The following KLHL1 variants were observed in gnomAD, a reference collection of about 807,000 sequenced individuals.
KLHL1 encodes kelch-like protein 1.
Under a neutral mutation model 77.7 loss-of-function variants are expected in KLHL1, and 47 were observed. The ratio of observed to expected loss-of-function variants is 0.60; its 90% CI spans 0.48 to 0.77. The LOEUF (loss-of-function observed/expected upper bound fraction) is 0.77. Ranked by LOEUF, KLHL1 falls within the 30% of genes least tolerant of loss-of-function variation. The probability of loss-of-function intolerance (pLI) is 0.00; values close to 1 mark genes in which losing one functional copy is unlikely to be tolerated. For synonymous variants in KLHL1, 360 were observed against 325.2 expected, an observed-to-expected ratio of 1.11 and a Z score of -1.15; for missense variants, 925 against 910.8, an observed-to-expected ratio of 1.02 and a Z score of -0.20.
At chr13:70,016,624 C>T (rs1403572394) in intron 1 of KLHL1, among the ~76,000 whole-genome samples, 9 of 152,272 alleles carry the variant, frequency 5.9e-5, no homozygotes, top group Admixed American at 2.6e-4. Context: ...CGATGAGGAT[C>T]GAAGGGAGGC....
intron 1 of KLHL1, among the ~76,000 whole-genome samples, chr13:70,026,749 GGA>G (rs149315768): frequency 2.7e-5 from 4 of 148,624 alleles, no homozygotes; most frequent in South Asian, 2.1e-4. Flanking sequence ...TGTGTAAGAG[GGA>G]GAGAGAGAGA....
intron 4 of KLHL1, among the ~76,000 whole-genome samples, chr13:69,889,757 A>T (rs184368272): frequency 1.3e-5 from 2 of 152,012 alleles, no homozygotes; most frequent in Non-Finnish European, 2.9e-5. Context: ...GTAAATGAGG[A>T]TGAAAATAGC....
At chr13:69,834,829 A>G (rs559022538) in intron 6 of KLHL1, among the ~76,000 whole-genome samples, 2 of 152,206 alleles carry the variant, frequency 1.3e-5, no homozygotes, top group Non-Finnish European at 2.9e-5. Context: ...GTTCTAAGGC[A>G]TGTATCAATT....
chr13:70,034,945 C>T (rs1198740220), intron 1 of KLHL1, among the ~76,000 whole-genome samples: 1 of 151,926 alleles, frequency 6.6e-6, no homozygotes, highest in African/African-American at 2.4e-5. Flanking sequence ...AAAGAGTGTC[C>T]TTCACAAAAT....
intron 1 of KLHL1, among the ~76,000 whole-genome samples, chr13:70,046,590 C>T (rs1234583508): frequency 1.3e-5 from 2 of 152,288 alleles, no homozygotes; most frequent in South Asian, 2.1e-4. Flanking sequence ...CAGGCTCAAG[C>T]GATTCGCGTG....
chr13:69,794,141 A>G (rs572817834), intron 7 of KLHL1, among the ~76,000 whole-genome samples: 2 of 152,306 alleles, frequency 1.3e-5, no homozygotes, highest in Non-Finnish European at 2.9e-5. Context: ...ACAGATAAGA[A>G]AGAAAATCTT....
intron 4 of KLHL1, among the ~76,000 whole-genome samples, chr13:69,939,794 G>C (rs1489572848): frequency 6.6e-6 from 1 of 151,830 alleles, no homozygotes; most frequent in Non-Finnish European, 1.5e-5. Context: ...TGTCTTTTAT[G>C]ATAAACCAAT....
chr13:69,920,327 A>T (rs1284790016), intron 4 of KLHL1, among the ~76,000 whole-genome samples: 1 of 152,112 alleles, frequency 6.6e-6, no homozygotes, highest in African/African-American at 2.4e-5. Flanking sequence ...TTGGGAAGAA[A>T]ATAAAAATGT....
At chr13:69,820,524 A>G (rs892456901) in intron 6 of KLHL1, among the ~76,000 whole-genome samples, 2 of 152,202 alleles carry the variant, frequency 1.3e-5, no homozygotes, top group African/African-American at 2.4e-5. Context: ...AGGATAATTG[A>G]AAAAGGGAAT....
intron 1 of KLHL1, among the ~76,000 whole-genome samples, chr13:70,010,193 A>G (rs757384117): frequency 3.9e-5 from 6 of 152,146 alleles, no homozygotes; most frequent in Non-Finnish European, 7.3e-5. Flanking sequence ...AGAATTTGAG[A>G]TTTTATTCCA....
chr13:69,732,071 G>A (rs1873571649), intron 8 of KLHL1, among the ~76,000 whole-genome samples: 2 of 152,082 alleles, frequency 1.3e-5, no homozygotes, highest in African/African-American at 4.8e-5. Context: ...AAGGAGGGGA[G>A]TCAAATAAAG....
chr13:69,982,539 A>G (rs1884742462), intron 1 of KLHL1, among the ~76,000 whole-genome samples: 1 of 150,674 alleles, frequency 6.6e-6, no homozygotes, highest in Non-Finnish European at 1.5e-5. Flanking sequence ...ACCTCAAAGG[A>G]AGACTGAAAG....
chr13:69,906,685 T>C (rs1882055841), intron 4 of KLHL1, among the ~76,000 whole-genome samples: 1 of 151,926 alleles, frequency 6.6e-6, no homozygotes, highest in Non-Finnish European at 1.5e-5. Flanking sequence ...AGGCCTAGAA[T>C]AGCATGCTAA....
At chr13:69,962,493 G>A (rs1884094395) in intron 2 of KLHL1, among the ~76,000 whole-genome samples, 2 of 152,014 alleles carry the variant, frequency 1.3e-5, no homozygotes, top group Middle Eastern at 3.4e-3. Context: ...CTCTGTCACA[G>A]AGGCATTTTG....
At chr13:69,821,293 A>G (rs1337591812) in intron 6 of KLHL1, among the ~76,000 whole-genome samples, 1 of 152,092 alleles carries the variant, frequency 6.6e-6, no homozygotes, top group Non-Finnish European at 1.5e-5. Flanking sequence ...ATTCATCGTA[A>G]TAATTTATTT....
At chr13:70,033,329 G>A (rs980419582) in intron 1 of KLHL1, among the ~76,000 whole-genome samples, 4 of 151,934 alleles carry the variant, frequency 2.6e-5, no homozygotes, top group African/African-American at 4.8e-5. Flanking sequence ...TCTCTCTGTC[G>A]CCCAGGCTGG....
Position 70,108,236 on chromosome 13 carries a change from C to T in KLHL1, c.-537G>A, listed in dbSNP as rs1888126678. 2 of 390,284 alleles carry T rather than the reference C, an allele frequency of 5.1e-6. No homozygotes were observed. The highest frequency in any genetic ancestry group is 8.9e-5 in the Admixed American group (2 of 22,406). The allele number at this position is 390,284 out of a possible 1,614,324, so 24.2% of individuals were successfully genotyped here. A position where few individuals can be genotyped will look rare whatever the true frequency, so the allele number is the denominator to read the frequency against. On this transcript the variant is annotated 5_prime_UTR_variant, in exon 1 of 11. Transcript: ENST00000377844. Reference sequence around the variant, plus strand: ...AAGTCTCGAGGAAGCGTACCCCTCGCCAGATCTCTTGGTGCACCTGCGCCC... The same window carrying T: ...AAGTCTCGAGGAAGCGTACCCCTCGTCAGATCTCTTGGTGCACCTGCGCCC...
intron 7 of KLHL1, among the ~76,000 whole-genome samples, chr13:69,786,355 C>T (rs891931681): frequency 2.0e-4 from 30 of 151,802 alleles, no homozygotes; most frequent in Middle Eastern, 3.4e-3. Flanking sequence ...GTTCAATATA[C>T]GTGAATCAAT....
At chr13:69,796,691 A>G in intron 7 of KLHL1, 47 bp downstream of exon 7, 2 of 1,302,760 alleles carry the variant, frequency 1.5e-6, no homozygotes, top group South Asian at 2.5e-5. Flanking sequence ...TAGTTACATT[A>G]TCAATAACAT....
Sources: gnomAD v4.1 joint callset for allele counts (sites outside exome capture counted in the v4.1 genomes callset) on GRCh38, gnomAD v4.1.1 for gene constraint, MANE v1.5 for transcripts, NCBI Gene and HGNC (gene_info 2026-07-23, HGNC 2026-07-21) for gene names.